NFILZ: variants seen among roughly 807,000 people sequenced by gnomAD.
NFILZ encodes NFIL3 like protein.
At chr19:8,663,762 G>GTATGTGTGTA (rs2043048256) in intron 3 of NFILZ, among the ~76,000 whole-genome samples, 1 of 137,840 alleles carries the variant, frequency 7.3e-6, no homozygotes, top group African/African-American at 2.5e-5. Context: ...GTGTGTGTGT[G>GTATGTGTGTA]TGTGTGTGTA....
In NFILZ at chr19:8,644,665, C is replaced by T. The variant is rs544626611; in HGVS notation, c.-164+8919C>T. ...TTTTTTGTAGAGATGGGGGTCTTACCGTGTTGCCCAGGCTGGTCTTGAACT... is the reference window on the plus strand; with the variant it reads ...TTTTTTGTAGAGATGGGGGTCTTACTGTGTTGCCCAGGCTGGTCTTGAACT... On this transcript the variant is annotated intron_variant, in intron 3 of 5. Coordinates refer to ENST00000691075, the MANE Select transcript of NFILZ (RefSeq NM_001378600.1). Among the ~76,000 whole-genome samples, 9 of 150,738 alleles carry T rather than the reference C, an allele frequency of 6.0e-5. No homozygotes were observed. The South Asian group carries it at 1.3e-3, about 21-fold the overall frequency.
In NFILZ at chr19:8,677,260, C is replaced by T. The variant is rs1299097178; in HGVS notation, c.495C>T (p.Ala165=). 2.0e-5 allele frequency among the ~76,000 whole-genome samples: 3 copies of T among 152,230 alleles called. No homozygotes were observed. Among genetic ancestry groups the T allele is most frequent in the Non-Finnish European group, 4.4e-5 (3 of 68,030 alleles). ...CLLAPRWTGL[A]TSPRSPQESA... Reference sequence around the variant, plus strand: ...TGGCTCCCAGATGGACTGGCTTGGCCACTTCTCCTAGGTCCCCCCAAGAGT... The same window carrying T: ...TGGCTCCCAGATGGACTGGCTTGGCTACTTCTCCTAGGTCCCCCCAAGAGT... Residue 165 remains alanine, a synonymous_variant, in exon 6 of 6, where the codon GCC becomes GCT. Transcript: ENST00000691075.
At chr19:8,663,764 G>A (rs1438459353) in intron 3 of NFILZ, among the ~76,000 whole-genome samples, 522 of 32,268 alleles carry the variant, frequency 0.016, 1 homozygote, top group African/African-American at 0.037. Context: ...GTGTGTGTGT[G>A]TGTGTGTATG....
At chr19:8,652,173 G>A (rs2042967441) in intron 3 of NFILZ, among the ~76,000 whole-genome samples, 2 of 151,298 alleles carry the variant, frequency 1.3e-5, no homozygotes, top group Non-Finnish European at 2.9e-5. Context: ...CGCGATCTCG[G>A]CTCACTGCCA....
intron 1 of NFILZ, among the ~76,000 whole-genome samples, chr19:8,631,806 G>T (rs892997006): frequency 1.3e-5 from 2 of 151,336 alleles, no homozygotes; most frequent in Non-Finnish European, 2.9e-5. Flanking sequence ...GACCCTGGGG[G>T]CTTGGTCACT....
At chr19:8,652,103 A>ATTTTTTT (rs35038370) in intron 3 of NFILZ, among the ~76,000 whole-genome samples, 7 of 141,794 alleles carry the variant, frequency 4.9e-5, no homozygotes, top group African/African-American at 1.8e-4. Context: ...CCACTGGGAG[A>ATTTTTTT]TTTTTTTTTT....
At chr19:8,653,040 C>CTTTCTTTCTTTCTTTCTT (rs1263390932) in intron 3 of NFILZ, among the ~76,000 whole-genome samples, 5 of 63,404 alleles carry the variant, frequency 7.9e-5, no homozygotes, top group Non-Finnish European at 1.2e-4. Flanking sequence ...TTCTTTCTTT[C>CTTTCTTTCTTTCTTTCTT]TCTCTCTCTC....
intron 3 of NFILZ, among the ~76,000 whole-genome samples, chr19:8,660,426 C>A (rs1410432700): frequency 6.6e-6 from 1 of 151,692 alleles, no homozygotes; most frequent in Non-Finnish European, 1.5e-5. Context: ...ATACGACCAT[C>A]GGTAATGATA....
chr19:8,647,823 A>AC (rs2042948208), intron 3 of NFILZ, among the ~76,000 whole-genome samples: 1 of 142,530 alleles, frequency 7.0e-6, no homozygotes, highest in Non-Finnish European at 1.5e-5. Flanking sequence ...ACACACACAC[A>AC]CACACACACA....
intron 3 of NFILZ, among the ~76,000 whole-genome samples, chr19:8,636,615 T>TA (rs1177180516): frequency 1.3e-5 from 2 of 151,208 alleles, no homozygotes; most frequent in African/African-American, 4.8e-5. Context: ...CAGCTATGTT[T>TA]TTTTTTTTAA....
chr19:8,631,330 C>A (rs2042868426), intron 1 of NFILZ, among the ~76,000 whole-genome samples: 1 of 152,086 alleles, frequency 6.6e-6, no homozygotes. Flanking sequence ...GTTGCAAATT[C>A]TAGGCAGGCC....
chr19:8,652,773 CCTTTCTTTCTTTT>C (rs1274719533), intron 3 of NFILZ, among the ~76,000 whole-genome samples: 7 of 151,546 alleles, frequency 4.6e-5, no homozygotes, highest in African/African-American at 1.2e-4. Flanking sequence ...TTCTTTTTTT[CCTTTCTTTCTTTT>C]CTTTCTTTCT....
intron 3 of NFILZ, among the ~76,000 whole-genome samples, chr19:8,642,244 A>C (rs1555746729): frequency 6.6e-6 from 1 of 150,806 alleles, no homozygotes; most frequent in East Asian, 1.9e-4. Flanking sequence ...GAACCAAAGA[A>C]CTCCTGCCAC....
intron 3 of NFILZ, among the ~76,000 whole-genome samples, chr19:8,671,148 A>G (rs1371424087): frequency 6.6e-6 from 1 of 152,148 alleles, no homozygotes; most frequent in East Asian, 1.9e-4. Flanking sequence ...TCACTGGTCA[A>G]GGCAGCTGCG....
At chr19:8,633,430 T>C (rs1441108220) in intron 2 of NFILZ, among the ~76,000 whole-genome samples, 1 of 152,146 alleles carries the variant, frequency 6.6e-6, no homozygotes, top group Non-Finnish European at 1.5e-5. Flanking sequence ...ATCGGGACCC[T>C]TTTCCAGTAA....
intron 3 of NFILZ, among the ~76,000 whole-genome samples, chr19:8,651,350 C>T (rs1332999308): frequency 1.8e-4 from 27 of 151,874 alleles, no homozygotes; most frequent in Non-Finnish European, 1.0e-4. Flanking sequence ...TTAGTAGAGA[C>T]GGGGCTTCAC....
At chr19:8,670,887 CG>C (rs1240864270) in intron 3 of NFILZ, among the ~76,000 whole-genome samples, 1 of 150,404 alleles carries the variant, frequency 6.6e-6, no homozygotes, top group Non-Finnish European at 1.5e-5. Context: ...CCCAGCTACT[CG>C]GGAGGCTGAG....
At position 8,669,352 on chromosome 19, in the gene NFILZ, A is replaced by C. The variant is rs185879815; in HGVS notation, c.-163-5199A>C. 2.1e-3 allele frequency among the ~76,000 whole-genome samples: 315 copies of C among 152,274 alleles called. 3 individuals carry two copies. The highest frequency in any genetic ancestry group is 2.8e-3 in the Non-Finnish European group (190 of 68,010). ...TACCTTATTTATTCCTTATACAACC[A>C]ATGAGGTAGGTACTGCTATTATTCC... On this transcript the variant is annotated intron_variant, in intron 3 of 5. Coordinates refer to ENST00000691075, the MANE Select transcript of NFILZ (RefSeq NM_001378600.1).
chr19:8,656,339 TGAAGCCCACCTCTTCC>T (rs2042996408), intron 3 of NFILZ, among the ~76,000 whole-genome samples: 6 of 30,762 alleles, frequency 2.0e-4, no homozygotes, highest in South Asian at 8.4e-4. Flanking sequence ...CCCTTCTTCC[TGAAGCCCACCTCTTCC>T]CTGAAGCCCA....
Sources: gnomAD v4.1 joint callset for allele counts (sites outside exome capture counted in the v4.1 genomes callset) on GRCh38, gnomAD v4.1.1 for gene constraint, MANE v1.5 for transcripts, NCBI Gene and HGNC (gene_info 2026-07-23, HGNC 2026-07-21) for gene names.